NELL1: variants seen among roughly 807,000 people sequenced by gnomAD.
NELL1 encodes the protein protein kinase C-binding protein NELL1.
In NELL1, 76 loss-of-function variants were observed where a neutral mutation model predicts 107.4. The ratio of observed to expected loss-of-function variants is 0.71; its 90% CI spans 0.59 to 0.86. The LOEUF (loss-of-function observed/expected upper bound fraction) is 0.86, where lower values mean the gene tolerates loss of function less well. Among genes scored for constraint, NELL1 ranks in the 40% least tolerant of loss-of-function variants. The pLI, the probability that NELL1 is intolerant of heterozygous loss-of-function variation, is 0.00. For synonymous variants in NELL1, 353 were observed against 341.2 expected (o/e 1.03, Z -0.38); for missense variants, 1,024 against 1,005.5 (o/e 1.02, Z -0.25).
intron 15 of NELL1, among the ~76,000 whole-genome samples, chr11:21,451,029 A>C (rs1173471501): frequency 6.6e-6 from 1 of 151,812 alleles, no homozygotes; most frequent in Non-Finnish European, 1.5e-5. Flanking sequence ...TCTCTACTAA[A>C]AATACAAAAA....
intron 3 of NELL1, among the ~76,000 whole-genome samples, chr11:20,818,406 C>CTTTT (rs57318040): frequency 1.0e-4 from 11 of 108,682 alleles, no homozygotes; most frequent in African/African-American, 1.6e-4. Flanking sequence ...GCAACCCCTG[C>CTTTT]TTTTTTTTTT....
At chr11:21,115,342 ACACAC>A (rs1855208699) in intron 13 of NELL1, among the ~76,000 whole-genome samples, 1 of 149,408 alleles carries the variant, frequency 6.7e-6, no homozygotes, top group African/African-American at 2.4e-5. Flanking sequence ...ACACACACAC[ACACAC>A]ACACACACAC....
chr11:21,095,821 G>C (rs193073720), intron 12 of NELL1, among the ~76,000 whole-genome samples: 7 of 152,096 alleles, frequency 4.6e-5, no homozygotes, highest in African/African-American at 1.7e-4. Context: ...TGTTGGTCAG[G>C]CTGGTCTTGA....
At position 20,733,937 on chromosome 11, in the gene NELL1, T is replaced by C. The variant is rs760512166; in HGVS notation, c.185-49743T>C. Among the ~76,000 whole-genome samples the C allele has an allele frequency of 6.3e-5, 9 of 141,992 alleles. No homozygotes were observed. The East Asian group carries it at 7.7e-4, about 12-fold the overall frequency. The allele number at this position is 141,992 out of a possible 152,430, so 93.2% of individuals were successfully genotyped here. ...GACAAATAAATATATAATAAGACTC[T>C]GTTAGTGACAAGTGCTATGAAGTAA... On this transcript the variant is annotated intron_variant, in intron 2 of 19. Transcript: ENST00000357134.
At chr11:20,958,002 G>A (rs1218116135) in intron 11 of NELL1, among the ~76,000 whole-genome samples, 1 of 152,098 alleles carries the variant, frequency 6.6e-6, no homozygotes, top group East Asian at 1.9e-4. Flanking sequence ...GAATATCTAA[G>A]AATTTTCCAA....
At chr11:21,397,200 C>T (rs4539321) in intron 15 of NELL1, among the ~76,000 whole-genome samples, 7 of 151,256 alleles carry the variant, frequency 4.6e-5, no homozygotes, top group Admixed American at 6.6e-5. Flanking sequence ...ACTATGCTAA[C>T]TTTTTATTGC....
chr11:21,009,124 A>G (rs559670638), intron 12 of NELL1, among the ~76,000 whole-genome samples: 17 of 152,228 alleles, frequency 1.1e-4, no homozygotes, highest in African/African-American at 3.9e-4. Flanking sequence ...CATGACAGCC[A>G]CTTTTCATGG....
At chr11:21,182,440 G>GA (rs201319322) in intron 13 of NELL1, among the ~76,000 whole-genome samples, 34,110 of 111,582 alleles carry the variant, frequency 0.31, 4,474 homozygotes, top group East Asian at 0.56. Flanking sequence ...GTCTCAAAAA[G>GA]AAAAAAAAAA....
intron 4 of NELL1, among the ~76,000 whole-genome samples, chr11:20,884,707 G>A (rs1849472822): frequency 6.6e-6 from 1 of 152,278 alleles, no homozygotes; most frequent in African/African-American, 2.4e-5. Context: ...TTCTGTATTA[G>A]TTATGTGCCT....
chr11:21,498,362 T>TAC (rs943817172), intron 15 of NELL1, among the ~76,000 whole-genome samples: 3 of 147,552 alleles, frequency 2.0e-5, no homozygotes, highest in Non-Finnish European at 4.5e-5. Flanking sequence ...TATATATATA[T>TAC]ACAGACACAC....
At chr11:20,695,123 T>C (rs1854581095) in intron 2 of NELL1, among the ~76,000 whole-genome samples, 1 of 152,168 alleles carries the variant, frequency 6.6e-6, no homozygotes, top group Non-Finnish European at 1.5e-5. Context: ...AAAATGTTAC[T>C]GATTTTTATA....
At chr11:21,286,031 A>C (rs1849107473) in intron 14 of NELL1, among the ~76,000 whole-genome samples, 1 of 152,214 alleles carries the variant, frequency 6.6e-6, no homozygotes, top group Admixed American at 6.5e-5. Flanking sequence ...TGAATTCTAC[A>C]TTGTGGAAAT....
At chr11:20,841,198 A>G (rs1051218198) in intron 3 of NELL1, among the ~76,000 whole-genome samples, 7 of 152,058 alleles carry the variant, frequency 4.6e-5, no homozygotes, top group Admixed American at 3.3e-4. Context: ...TTTCCACCAT[A>G]TGGTGCCACC....
intron 15 of NELL1, among the ~76,000 whole-genome samples, chr11:21,451,939 G>A (rs1380345889): frequency 6.6e-6 from 1 of 152,102 alleles, no homozygotes; most frequent in African/African-American, 2.4e-5. Context: ...AATTGGAATG[G>A]CTTTGTGGTG....
rs141409079 is a variant in NELL1 at position 21,206,017 on chromosome 11, G to A, written c.1427-23315G>A. ...GGACTTGGGCCCTCACTGTCCTCTCGGTACTTTATGGTGTGAAAAATTATA... is the reference window on the plus strand; with the variant it reads ...GGACTTGGGCCCTCACTGTCCTCTCAGTACTTTATGGTGTGAAAAATTATA... On this transcript the variant is annotated intron_variant, in intron 13 of 19. Transcript: ENST00000357134. Among the ~76,000 whole-genome samples, 1,122 of 152,020 alleles carry A rather than the reference G, an allele frequency of 7.4e-3. 12 individuals carry two copies. The highest frequency in any genetic ancestry group is 0.024 in the African/African-American group (1,009 of 41,450).
chr11:21,312,608 A>G (rs1164731694), intron 14 of NELL1, among the ~76,000 whole-genome samples: 1 of 152,050 alleles, frequency 6.6e-6, no homozygotes, highest in Non-Finnish European at 1.5e-5. Flanking sequence ...TAGCACACAG[A>G]AGGTTAGAGG....
intron 3 of NELL1, among the ~76,000 whole-genome samples, chr11:20,831,403 C>T (rs888013833): frequency 1.3e-5 from 2 of 152,180 alleles, no homozygotes; most frequent in South Asian, 2.1e-4. Flanking sequence ...ATGGCTCTGC[C>T]TTCTTGATAC....
chr11:20,874,415 C>T (rs1229928924), intron 4 of NELL1, among the ~76,000 whole-genome samples: 1 of 152,178 alleles, frequency 6.6e-6, no homozygotes, highest in Non-Finnish European at 1.5e-5. Flanking sequence ...GCCAGTGTGG[C>T]ATGGCAGAAG....
At chr11:21,400,094 T>C (rs1004523249) in intron 15 of NELL1, among the ~76,000 whole-genome samples, 5 of 151,822 alleles carry the variant, frequency 3.3e-5, no homozygotes, top group Non-Finnish European at 7.4e-5. Flanking sequence ...AATTCTGTTT[T>C]TCCCTTAATT....
Sources: allele counts gnomAD v4.1 joint callset (sites outside exome capture counted in the v4.1 genomes callset), GRCh38; gene constraint gnomAD v4.1.1; transcripts MANE v1.5; gene names NCBI Gene and HGNC (gene_info 2026-07-23, HGNC 2026-07-21).